Variants in ABR observed in about 807,000 individuals in gnomAD.
ABR encodes the protein active breakpoint cluster region-related protein.
In ABR, 35 loss-of-function variants were observed where a neutral mutation model predicts 107.2. That is an observed-to-expected ratio of 0.33 (90% CI 0.25 to 0.43). The LOEUF is 0.43. ABR is among the 20% of genes least tolerant of loss of function. ABR has a pLI of 1.00. For synonymous variants in ABR, 498 were observed against 462.0 expected (o/e 1.08, Z -1.00); for missense variants, 815 against 1,115.2 (o/e 0.73, Z 3.83).
In ABR at chr17:1,132,507, T is replaced by A. The variant is rs1597925035; in HGVS notation, c.62-7140A>T. 9.9e-5 allele frequency among the ~76,000 whole-genome samples: 15 copies of A among 150,794 alleles called. 1 individual carries two copies. The South Asian group carries it at 3.2e-3, about 32-fold the overall frequency. On this transcript the variant is annotated intron_variant, in intron 1 of 22. Coordinates refer to ENST00000302538, the MANE Select transcript of ABR (RefSeq NM_021962.5). ...GATTCTCCCGTCTCAGCCTCCCGAG[T>A]AGCTGGGATTATAGGCATGCACCAC...
chr17:1,180,076 G>A (rs1421739026), upstream of ABR, among the ~76,000 whole-genome samples: 13 of 140,894 alleles, frequency 9.2e-5, no homozygotes, highest in African/African-American at 2.6e-4. Context: ...GGCGGGGAGG[G>A]ACCAATCGGC....
chr17:1,217,548 A>G (rs1331742438), intron 1 of ABR, among the ~76,000 whole-genome samples: 1 of 152,216 alleles, frequency 6.6e-6, no homozygotes, highest in Admixed American at 6.5e-5. Flanking sequence ...GACTATTGAT[A>G]TTATATTATC....
At chr17:1,201,377 C>T (rs938699258) in intron 1 of ABR, among the ~76,000 whole-genome samples, 1 of 152,114 alleles carries the variant, frequency 6.6e-6, no homozygotes, top group African/African-American at 2.4e-5. Flanking sequence ...CCAGCGAGAT[C>T]GTGAAAAGAA....
chr17:1,134,052 G>T (rs1020413886), intron 1 of ABR, among the ~76,000 whole-genome samples: 5 of 152,208 alleles, frequency 3.3e-5, no homozygotes, highest in Admixed American at 6.5e-5. Context: ...GGCCAAGGCG[G>T]GCAGATCACC....
At position 1,158,265 on chromosome 17, in the gene ABR, AT is replaced by A. The variant is rs1328837520; in HGVS notation, c.61+21401del. Among the ~76,000 whole-genome samples the A allele has an allele frequency of 3.3e-5, 5 of 151,536 alleles. No individual in the cohort carries two copies. The East Asian group carries it at 7.9e-4, about 24-fold the overall frequency. ...TCTTTTTTTAAATTTGTATTTATTT[AT>A]TTTTTTTAAAGTAGAGATGGAGTTT... On this transcript the variant is annotated intron_variant, in intron 1 of 22. Transcript: ENST00000302538.
In ABR at chr17:1,005,450, C is replaced by T. The variant is rs979370510; in HGVS notation, c.*630G>A. ...GGCAAAGCAGGTGTGCTCCCAAAGG[C>T]GGAGTCTGAGGAGGGGCCGGCAGCG... On this transcript the variant is annotated 3_prime_UTR_variant, in exon 23 of 23. Transcript: ENST00000302538. 2.6e-5 allele frequency: 8 copies of T among 304,662 alleles called. No individual in the cohort carries two copies. The highest frequency in any genetic ancestry group is 1.5e-4 in the African/African-American group (7 of 46,596). 18.9% of individuals were successfully genotyped at this position (304,662 alleles called of 1,614,324 possible).
rs138853272 is a variant in ABR, at chr17:1,075,989, C to G, written c.701-2312G>C. 2.7e-3 allele frequency among the ~76,000 whole-genome samples: 411 copies of G among 152,350 alleles called. 3 individuals are homozygous for G. The highest frequency in any genetic ancestry group is 8.8e-3 in the African/African-American group (368 of 41,582). Reference sequence around the variant, plus strand: ...TCCAGGAGGCAGAGGTTGCAGTGAGCTGAGATTGCGCCATTGCACTCCAGC... The same window carrying G: ...TCCAGGAGGCAGAGGTTGCAGTGAGGTGAGATTGCGCCATTGCACTCCAGC... On this transcript the variant is annotated intron_variant, in intron 6 of 22. Transcript: ENST00000302538.
chr17:1,008,426 G>A (rs754607410), intron 21 of ABR, among the ~76,000 whole-genome samples: 147 of 152,210 alleles, frequency 9.7e-4, no homozygotes, highest in Non-Finnish European at 1.9e-3. Flanking sequence ...GCTGTGCAGC[G>A]GGGCCAGCCC....
chr17:1,032,054 C>A (rs1253700897), intron 16 of ABR, among the ~76,000 whole-genome samples: 5 of 151,828 alleles, frequency 3.3e-5, no homozygotes, highest in African/African-American at 9.7e-5. Context: ...TCCTCCCCGA[C>A]CCCGCCGCCC....
At chr17:1,111,803 G>A (rs1424283238) in intron 2 of ABR, among the ~76,000 whole-genome samples, 1 of 152,078 alleles carries the variant, frequency 6.6e-6, no homozygotes, top group Non-Finnish European at 1.5e-5. Flanking sequence ...GCCAGTGGTG[G>A]CCCGCTGCCA....
At chr17:1,085,238 G>A (rs1156704734) in intron 4 of ABR, among the ~76,000 whole-genome samples, 2 of 148,874 alleles carry the variant, frequency 1.3e-5, no homozygotes, top group African/African-American at 5.0e-5. Flanking sequence ...TCAGCCTCCT[G>A]AGTGGTTGGG....
At chr17:1,085,411 C>T (rs1254411379) in intron 4 of ABR, among the ~76,000 whole-genome samples, 4 of 152,148 alleles carry the variant, frequency 2.6e-5, no homozygotes, top group Admixed American at 6.5e-5. Context: ...CCACCGCGCC[C>T]GGCCAATTTA....
intron 1 of ABR, among the ~76,000 whole-genome samples, chr17:1,169,753 T>C (rs755148002): frequency 7.3e-4 from 111 of 152,252 alleles, no homozygotes; most frequent in Non-Finnish European, 8.5e-4. Context: ...CGATGCTCAG[T>C]GGCCTGATTT....
At chr17:1,174,854 T>C (rs982460225) in intron 1 of ABR, among the ~76,000 whole-genome samples, 1 of 151,932 alleles carries the variant, frequency 6.6e-6, no homozygotes, top group South Asian at 2.1e-4. Flanking sequence ...CATATAAAGA[T>C]TTTCCAGTTG....
intron 16 of ABR, among the ~76,000 whole-genome samples, chr17:1,032,565 G>A (rs1474505757): frequency 1.8e-5 from 2 of 110,026 alleles, no homozygotes; most frequent in East Asian, 2.4e-4. Context: ...AACCACCCGC[G>A]TCCGTGCTGG....
chr17:1,070,733 C>T lies in ABR; in HGVS notation c.895-643G>A, dbSNP rs2035171351. Reference sequence around the variant, plus strand: ...TGGGCTCTGGGTGGTTTCTGCTCCACGTGGGAGTTCCAGAGTTTCCAACCC... The same window carrying T: ...TGGGCTCTGGGTGGTTTCTGCTCCATGTGGGAGTTCCAGAGTTTCCAACCC... On this transcript the variant is annotated intron_variant, in intron 8 of 22. Coordinates refer to ENST00000302538, the MANE Select transcript of ABR (RefSeq NM_021962.5). The surrounding 1 kb of genome is among the most constrained non-coding windows in gnomAD (Gnocchi z 4.2). Among the ~76,000 whole-genome samples the T allele has an allele frequency of 6.6e-6, 1 of 152,166 alleles. No individual in the cohort carries two copies. The highest frequency in any genetic ancestry group is 1.5e-5 in the Non-Finnish European group (1 of 68,036).
chr17:1,190,441 C>G (rs2042407156), upstream of ABR, among the ~76,000 whole-genome samples: 1 of 152,218 alleles, frequency 6.6e-6, no homozygotes. Flanking sequence ...CGAGACCAGC[C>G]TGGCCAACAA....
In ABR at chr17:1,125,223, T is replaced by TC. The variant is rs766403834; in HGVS notation, c.205dup (p.Asp69GlyfsTer9). 7.5e-6 allele frequency: 12 copies of TC among 1,603,394 alleles called. No individual in the cohort carries two copies. Among genetic ancestry groups the TC allele is most frequent in the East Asian group, 2.3e-5 (1 of 44,436 alleles). ...CTCAGGTGGAGTCGGGGAGACGCCA[T>TC]CCCCCCCGCCCTGGCTGCGGGCGCT... On this transcript the variant is annotated frameshift_variant, in exon 2 of 23. Coordinates refer to ENST00000302538, the MANE Select transcript of ABR (RefSeq NM_021962.5). LOFTEE classifies it high-confidence loss of function.
chr17:1,161,781 C>T (rs181267973), intron 1 of ABR, among the ~76,000 whole-genome samples: 5 of 151,882 alleles, frequency 3.3e-5, no homozygotes, highest in African/African-American at 9.7e-5. Context: ...TCTCAAACTC[C>T]TGACCTCAGG....
Sources: allele counts gnomAD v4.1 joint callset (sites outside exome capture counted in the v4.1 genomes callset), GRCh38; gene constraint gnomAD v4.1.1; non-coding constraint Gnocchi (gnomAD v3.1); transcripts MANE v1.5; gene names NCBI Gene and HGNC (gene_info 2026-07-23, HGNC 2026-07-21).